The following PTPN4 variants were observed in gnomAD, a reference collection of about 807,000 sequenced individuals.
PTPN4 encodes tyrosine-protein phosphatase non-receptor type 4.
Under a neutral mutation model 135.5 loss-of-function variants are expected in PTPN4, and 49 were observed. The ratio of observed to expected loss-of-function variants is 0.36; its 90% CI spans 0.29 to 0.46. PTPN4 has a LOEUF of 0.46. PTPN4 is among the 20% of genes least tolerant of loss of function. The pLI is 1.00. For synonymous variants in PTPN4, 333 were observed against 369.9 expected, an observed-to-expected ratio of 0.90 and a Z score of 1.14; for missense variants, 860 against 1,101.0, an observed-to-expected ratio of 0.78 and a Z score of 3.10.
At position 119,961,864 on chromosome 2, in the gene PTPN4, T is replaced by C. The variant is rs1459329530; in HGVS notation, c.2281-752T>C. Among the ~76,000 whole-genome samples the C allele has an allele frequency of 3.9e-5, 6 of 152,196 alleles. No individual in the cohort carries two copies. In the East Asian group the frequency reaches 7.7e-4, roughly 20 times the overall value. ...GTAGAGACATGAAGTAGATCAGTGG[T>C]GGTCTAGATCTGGGGTAAGGATGGG... is the stretch of plus-strand genomic sequence containing the variant. On this transcript the variant is annotated intron_variant, in intron 23 of 26. Transcript: ENST00000263708.
At position 119,932,162 on chromosome 2, in the gene PTPN4, T is replaced by G. The variant is rs138276597; in HGVS notation, c.1071-262T>G. ...CTTTTTACCTTTGTCCTTCCTTTTCTTGTTTCTTCTGTTTTTCTCATCCTT... is the reference window on the plus strand; with the variant it reads ...CTTTTTACCTTTGTCCTTCCTTTTCGTGTTTCTTCTGTTTTTCTCATCCTT... On this transcript the variant is annotated intron_variant, in intron 13 of 26. Transcript: ENST00000263708. 551 of 220,114 alleles carry G rather than the reference T, an allele frequency of 2.5e-3. 14 individuals are homozygous for G. In the Admixed American group the frequency reaches 0.027, roughly 11 times the overall value. 13.6% of individuals were successfully genotyped at this position (220,114 alleles called of 1,614,324 possible). A position where few individuals can be genotyped will look rare whatever the true frequency, so the allele number is the denominator to read the frequency against.
Position 119,965,612 on chromosome 2 carries a change from C to T in PTPN4, c.2525C>T (p.Ala842Val). The T allele has an allele frequency of 1.2e-6, 2 of 1,613,970 alleles. No individual in the cohort carries two copies. Among genetic ancestry groups the T allele is most frequent in the African/African-American group, 2.7e-5 (2 of 75,028 alleles). Residue 842 changes from alanine (A) to valine (V), a missense_variant, in exon 25 of 27, where the codon GCT (alanine) becomes GTT (valine). By Grantham distance (64) the Ala-to-Val change is moderately conservative. Around this residue, in one of 2 missense-constraint regions of PTPN4, gnomAD observed 176 missense variants for 294.1 expected, o/e 0.60. Coordinates refer to ENST00000263708, the MANE Select transcript of PTPN4 (RefSeq NM_002830.4). ...GTTTGTCATGTACGAAACAAGAGGG[C>T]TGGCAAGGAAGAACCCGTTGTTGTC... ...DFVCHVRNKR[A>V]GKEEPVVVHC...
intron 26 of PTPN4, 172 bp from the exon 27 acceptor site, chr2:119,976,812 A>G (rs1679624563): frequency 2.5e-6 from 3 of 1,201,112 alleles, no homozygotes; most frequent in South Asian, 4.5e-5. Flanking sequence ...ATATTGCCAA[A>G]CTGTATTTTT....
At chr2:119,832,786 T>C (rs1281855797) in intron 2 of PTPN4, among the ~76,000 whole-genome samples, 2 of 152,294 alleles carry the variant, frequency 1.3e-5, no homozygotes, top group Admixed American at 6.5e-5. Flanking sequence ...AATATTTTAT[T>C]TGAGGTTTTT....
At chr2:119,935,079 G>C in intron 15 of PTPN4, 121 bp downstream of exon 15, 3 of 1,166,742 alleles carry the variant, frequency 2.6e-6, no homozygotes, top group Non-Finnish European at 3.6e-6. Context: ...TTTTCAAAAT[G>C]TGTATGTTTG....
chr2:119,818,401 C>T (rs1558735247), intron 2 of PTPN4, among the ~76,000 whole-genome samples: 2 of 152,204 alleles, frequency 1.3e-5, no homozygotes, highest in Non-Finnish European at 2.9e-5. Context: ...GGGCCAAATC[C>T]AGCCTTCTGG....
chr2:119,784,273 CTTT>C (rs573937387), intron 1 of PTPN4, among the ~76,000 whole-genome samples: 2 of 131,704 alleles, frequency 1.5e-5, no homozygotes, highest in Non-Finnish European at 1.6e-5. Context: ...TGTAGACTCC[CTTT>C]TTTTTTTTTT....
At chr2:119,924,465 G>C (rs1177960262) in intron 12 of PTPN4, among the ~76,000 whole-genome samples, 1 of 151,164 alleles carries the variant, frequency 6.6e-6, no homozygotes, top group Non-Finnish European at 1.5e-5. Context: ...GGATAGGACT[G>C]TGGGTAAAAA....
chr2:119,848,152 T>A (rs1376822462), intron 2 of PTPN4, among the ~76,000 whole-genome samples: 3 of 151,928 alleles, frequency 2.0e-5, no homozygotes, highest in Admixed American at 2.0e-4. Flanking sequence ...TCCACATTTC[T>A]ATTTTTTTTT....
At chr2:119,842,674 T>C (rs1230352043) in intron 2 of PTPN4, among the ~76,000 whole-genome samples, 1 of 152,208 alleles carries the variant, frequency 6.6e-6, no homozygotes, top group African/African-American at 2.4e-5. Flanking sequence ...TTGAAGTAAT[T>C]GTAGGTTCAC....
intron 14 of PTPN4, among the ~76,000 whole-genome samples, chr2:119,934,023 A>G (rs949833732): frequency 2.0e-5 from 3 of 152,220 alleles, no homozygotes; most frequent in African/African-American, 7.2e-5. Context: ...ATAGCAAGTT[A>G]AGCCAAAGTA....
At chr2:119,818,597 T>A (rs1482261897) in intron 2 of PTPN4, among the ~76,000 whole-genome samples, 1 of 152,200 alleles carries the variant, frequency 6.6e-6, no homozygotes, top group East Asian at 1.9e-4. Context: ...TTAAAGAGAA[T>A]GTACAACAGA....
intron 2 of PTPN4, among the ~76,000 whole-genome samples, chr2:119,834,174 A>G (rs1361886704): frequency 2.6e-5 from 4 of 152,180 alleles, no homozygotes; most frequent in Non-Finnish European, 4.4e-5. Context: ...TGTGCTGGGA[A>G]CATTTCAAAT....
chr2:119,767,996 A>G (rs889491716), intron 1 of PTPN4, among the ~76,000 whole-genome samples: 9 of 152,286 alleles, frequency 5.9e-5, no homozygotes, highest in Non-Finnish European at 1.3e-4. Context: ...GATGATTGCT[A>G]CCTGAATCAG....
intron 1 of PTPN4, among the ~76,000 whole-genome samples, chr2:119,806,290 TAA>T (rs1691466261): frequency 6.6e-6 from 1 of 152,102 alleles, no homozygotes; most frequent in Admixed American, 6.6e-5. Context: ...GCAAATTGGA[TAA>T]AGAGTCAAGA....
At chr2:119,895,353 A>G (rs144698129) in intron 9 of PTPN4, among the ~76,000 whole-genome samples, 1 of 152,206 alleles carries the variant, frequency 6.6e-6, no homozygotes, top group Admixed American at 6.5e-5. Flanking sequence ...CTAGGTAATT[A>G]GTTTGTGTAT....
intron 2 of PTPN4, among the ~76,000 whole-genome samples, chr2:119,849,158 A>G (rs748963290): frequency 1.1e-4 from 16 of 152,142 alleles, no homozygotes; most frequent in Admixed American, 4.6e-4. Flanking sequence ...TATATTTATA[A>G]TGACTGCTTT....
At chr2:119,921,388 G>T (rs1236096171) in intron 12 of PTPN4, among the ~76,000 whole-genome samples, 5 of 152,140 alleles carry the variant, frequency 3.3e-5, no homozygotes, top group African/African-American at 9.7e-5. Context: ...TCCCAGAAAA[G>T]ATTTAAATTG....
chr2:119,935,455 G>A (rs1678968371), intron 15 of PTPN4, among the ~76,000 whole-genome samples: 2 of 152,140 alleles, frequency 1.3e-5, no homozygotes, highest in South Asian at 4.1e-4. Context: ...TAAAGAGTGG[G>A]CCCAAGAGTG....
Sources: gnomAD v4.1 joint callset for allele counts (sites outside exome capture counted in the v4.1 genomes callset) on GRCh38, gnomAD v4.1.1 for gene constraint, gnomAD v4.1.1 regional missense constraint, MANE v1.5 for transcripts, NCBI Gene and HGNC (gene_info 2026-07-23, HGNC 2026-07-21) for gene names.